ZNF431: variants seen among roughly 807,000 people sequenced by gnomAD.
The protein encoded by ZNF431 is zinc finger protein 431.
ZNF431 carries 34 observed loss-of-function variants against 57.0 expected under a neutral mutation model. The ratio of observed to expected loss-of-function variants is 0.60; its 90% CI spans 0.45 to 0.79. The LOEUF (loss-of-function observed/expected upper bound fraction) is 0.79. Ranked by LOEUF, ZNF431 falls within the 30% of genes least tolerant of loss-of-function variation. The pLI, the probability that ZNF431 is intolerant of heterozygous loss-of-function variation, is 0.00. For missense variants in ZNF431, 607 were observed against 667.1 expected, an observed-to-expected ratio of 0.91 and a Z score of 0.99; for synonymous variants, 207 against 220.3, an observed-to-expected ratio of 0.94 and a Z score of 0.54.
At chr19:21,172,400 C>A (rs1970925707) in intron 4 of ZNF431, among the ~76,000 whole-genome samples, 1 of 149,922 alleles carries the variant, frequency 6.7e-6, no homozygotes, top group Non-Finnish European at 1.5e-5. Flanking sequence ...CACACTCCAG[C>A]CTGGGTGAGA....
chr19:21,145,864 A>G (rs1293463973), intron 2 of ZNF431, among the ~76,000 whole-genome samples: 1 of 152,136 alleles, frequency 6.6e-6, no homozygotes, highest in Non-Finnish European at 1.5e-5. Flanking sequence ...TGGGAGGGGA[A>G]TGGCAAATGA....
chr19:21,187,253 G>A lies in ZNF431; in HGVS notation c.*3219G>A, dbSNP rs1971395009. The A allele has an allele frequency of 1.3e-5, 2 of 151,560 alleles. No homozygotes were observed. Among genetic ancestry groups the A allele is most frequent in the Admixed American group, 1.3e-4 (2 of 15,180 alleles). 9.4% of individuals were successfully genotyped at this position (151,560 alleles called of 1,614,324 possible). ...GTCAGGAGTTTGAGACCAGCCTGAT[G>A]AATATGGTGAAACCCAGTCTCTACT... On this transcript the variant is annotated 3_prime_UTR_variant, in exon 5 of 5. Transcript: ENST00000311048.
rs1033166073 is a variant in ZNF431, at chr19:21,190,086, T to C, written c.*6052T>C. 2 of 381,180 alleles carry C rather than the reference T, an allele frequency of 5.2e-6. No individual in the cohort carries two copies. The highest frequency in any genetic ancestry group is 4.1e-5 in the African/African-American group (2 of 48,196). The allele number at this position is 381,180 out of a possible 1,614,324, so 23.6% of individuals were successfully genotyped here. A position where few individuals can be genotyped will look rare whatever the true frequency, so the allele number is the denominator to read the frequency against. ...CCAGAGGCTGAGGCATGAGAATCCC[T>C]TGAACCACAGATGCAGAGGTTGCAG... On this transcript the variant is annotated 3_prime_UTR_variant, in exon 5 of 5. Transcript: ENST00000311048.
rs73028568 is a variant in ZNF431 at position 21,177,495 on chromosome 19, C to T, written c.320-5128C>T. ...AGCTTTGTGTTTTTTGCCTAGAATT[C>T]TCTTGACTAGGCCAGGCACAGTGGC... On this transcript the variant is annotated intron_variant, in intron 4 of 4. Coordinates refer to ENST00000311048, the MANE Select transcript of ZNF431 (RefSeq NM_133473.4). 8.4e-3 allele frequency among the ~76,000 whole-genome samples: 1,282 copies of T among 152,038 alleles called. 5 individuals are homozygous for T. The highest frequency in any genetic ancestry group is 0.015 in the Non-Finnish European group (1,018 of 67,952).
intron 4 of ZNF431, among the ~76,000 whole-genome samples, chr19:21,171,743 CAG>C (rs1970899896): frequency 1.8e-5 from 2 of 108,694 alleles, no homozygotes; most frequent in South Asian, 2.9e-4. Context: ...TTTTTTTAGA[CAG>C]AGTCTCGCCT....
intron 2 of ZNF431, among the ~76,000 whole-genome samples, chr19:21,159,209 G>GC (rs1269559367): frequency 6.6e-6 from 1 of 152,012 alleles, no homozygotes; most frequent in African/African-American, 2.4e-5. Flanking sequence ...CCTGGATTTG[G>GC]TTTGCCAGTA....
At chr19:21,146,386 G>T (rs1355622492) in intron 2 of ZNF431, among the ~76,000 whole-genome samples, 4 of 148,332 alleles carry the variant, frequency 2.7e-5, no homozygotes, top group Non-Finnish European at 4.5e-5. Flanking sequence ...CTCCAGCCTG[G>T]GTGACAGAGT....
At chr19:21,164,219 A>G (rs1015824053) in intron 2 of ZNF431, among the ~76,000 whole-genome samples, 1 of 152,108 alleles carries the variant, frequency 6.6e-6, no homozygotes, top group Non-Finnish European at 1.5e-5. Context: ...ATCAAATATG[A>G]GGGCTTCAAA....
chr19:21,149,816 T>C, intron 2 of ZNF431: 1 of 652,132 alleles, frequency 1.5e-6, no homozygotes, highest in Non-Finnish European at 2.9e-6. Context: ...ACCTTTGTCT[T>C]CTGAGTTAAC....
intron 4 of ZNF431, among the ~76,000 whole-genome samples, chr19:21,181,068 A>G (rs1971198429): frequency 6.6e-6 from 1 of 152,046 alleles, no homozygotes; most frequent in Non-Finnish European, 1.5e-5. Flanking sequence ...ACAAATGTTT[A>G]TAATGATTTC....
chr19:21,156,550 G>C (rs935078389), intron 2 of ZNF431, among the ~76,000 whole-genome samples: 24 of 152,024 alleles, frequency 1.6e-4, no homozygotes, highest in Non-Finnish European at 3.2e-4. Context: ...CTAGGCCTCA[G>C]TGTCTGTCGT....
intron 4 of ZNF431, among the ~76,000 whole-genome samples, chr19:21,178,458 T>A (rs1385332029): frequency 3.3e-5 from 5 of 152,146 alleles, no homozygotes; most frequent in Non-Finnish European, 7.3e-5. Context: ...ATAGATCTTA[T>A]TATTTTGATG....
chr19:21,175,713 A>G (rs1971029443), intron 4 of ZNF431, among the ~76,000 whole-genome samples: 1 of 152,196 alleles, frequency 6.6e-6, no homozygotes, highest in Non-Finnish European at 1.5e-5. Context: ...GCTGAAAATA[A>G]TGGCTTCCAG....
At position 21,166,612 on chromosome 19, in the gene ZNF431, A is replaced by G. The variant is rs114892570; in HGVS notation, c.223+151A>G. On this transcript the variant is annotated intron_variant, in intron 3 of 4. Transcript: ENST00000311048. ...TCTTGATGATTTGTCCGTGTGGAAA[A>G]GAATTTCTTCAACGTGTTTCATCTT... The G allele has an allele frequency of 1.0e-3, 996 of 988,650 alleles. 8 individuals carry two copies. The African/African-American group carries it at 0.015, about 15-fold the overall frequency. The allele number at this position is 988,650 out of a possible 1,614,324, so 61.2% of individuals were successfully genotyped here. A position where few individuals can be genotyped will look rare whatever the true frequency, so the allele number is the denominator to read the frequency against.
rs144965342 is a variant in ZNF431, at chr19:21,146,364, C to T, written c.96+2721C>T. 4.7e-3 allele frequency among the ~76,000 whole-genome samples: 695 copies of T among 149,420 alleles called. 5 individuals are homozygous for T. Among genetic ancestry groups the T allele is most frequent in the African/African-American group, 0.016 (655 of 40,488 alleles). On this transcript the variant is annotated intron_variant, in intron 2 of 4. Transcript: ENST00000311048. ...GGCAGAGGTTGTAGTGAGCCGAGAC[C>T]GTGCCACTGCACTCCAGCCTGGGTG...
intron 2 of ZNF431, among the ~76,000 whole-genome samples, chr19:21,157,052 A>G (rs538664065): frequency 5.8e-4 from 88 of 152,296 alleles, no homozygotes; most frequent in African/African-American, 1.9e-3. Flanking sequence ...TGCTGAGATT[A>G]CAAGTGTGAA....
rs138748035 is a variant in ZNF431 at position 21,147,434 on chromosome 19, G to A, written c.96+3791G>A. Among the ~76,000 whole-genome samples the A allele has an allele frequency of 4.7e-3, 711 of 152,112 alleles. 6 individuals are homozygous for A. Among genetic ancestry groups the A allele is most frequent in the African/African-American group, 0.016 (661 of 41,492 alleles). On this transcript the variant is annotated intron_variant, in intron 2 of 4. Transcript: ENST00000311048. ...GAACCTGGGAGGCAGAGGTTGCAGT[G>A]AGCTGAGATTGCATCATTACACTCC... is the stretch of plus-strand genomic sequence containing the variant.
chr19:21,142,445 C>T (rs763894385), intron 1 of ZNF431, among the ~76,000 whole-genome samples: 4 of 152,192 alleles, frequency 2.6e-5, no homozygotes, highest in Non-Finnish European at 4.4e-5. Context: ...GCTCTGCACC[C>T]GCAGCACCGC....
intron 2 of ZNF431, among the ~76,000 whole-genome samples, chr19:21,149,473 A>T (rs894381668): frequency 6.6e-6 from 1 of 152,170 alleles, no homozygotes; most frequent in Admixed American, 6.5e-5. Flanking sequence ...CGCTCTTACT[A>T]TTTTTAAACC....
Sources: gnomAD v4.1 joint callset for allele counts (sites outside exome capture counted in the v4.1 genomes callset) on GRCh38, gnomAD v4.1.1 for gene constraint, MANE v1.5 for transcripts, NCBI Gene and HGNC (gene_info 2026-07-23, HGNC 2026-07-21) for gene names.